BRCA1: variants seen among roughly 807,000 people sequenced by gnomAD.
The protein encoded by BRCA1 is breast cancer type 1 susceptibility protein.
A neutral mutation model predicts 173.7 loss-of-function variants in BRCA1; 140 were observed. The ratio of observed to expected loss-of-function variants is 0.81; its 90% CI spans 0.70 to 0.93. BRCA1 has a LOEUF of 0.93. Among genes scored for constraint, BRCA1 ranks in the 40% least tolerant of loss-of-function variants. The pLI, the probability that BRCA1 is intolerant of heterozygous loss-of-function variation, is 0.00. For missense variants in BRCA1, 1,983 were observed against 2,172.5 expected (o/e 0.91, Z 1.73); for synonymous variants, 662 against 756.0 (o/e 0.88, Z 2.04).
chr17:43,096,571 CAA>C (rs34226398), intron 8 of BRCA1, among the ~76,000 whole-genome samples: 60 of 89,506 alleles, frequency 6.7e-4, no homozygotes, highest in East Asian at 1.3e-3. Context: ...ACCCCGTCTC[CAA>C]AAAAAAAAAA....
chr17:43,131,887 G>T (rs1212965660), intron 1 of BRCA1, among the ~76,000 whole-genome samples: 2 of 151,950 alleles, frequency 1.3e-5, no homozygotes, highest in African/African-American at 4.8e-5. Flanking sequence ...GGGTTGAAGC[G>T]ATTCTTGTGC....
At chr17:43,149,333 C>T (rs1439423748) in intron 1 of BRCA1, among the ~76,000 whole-genome samples, 1 of 151,184 alleles carries the variant, frequency 6.6e-6, no homozygotes, top group African/African-American at 2.4e-5. Flanking sequence ...GCGGGTGGAC[C>T]TTGTGATCCG....
chr17:43,072,567 A>G (rs897099921), intron 14 of BRCA1, among the ~76,000 whole-genome samples: 5 of 138,704 alleles, frequency 3.6e-5, no homozygotes, highest in African/African-American at 1.3e-4. Context: ...CTTCCAGCTG[A>G]TTTTTTTTTT....
chr17:43,149,574 A>G (rs532842242), intron 1 of BRCA1, among the ~76,000 whole-genome samples: 1 of 152,226 alleles, frequency 6.6e-6, no homozygotes, highest in South Asian at 2.1e-4. Context: ...AGAGAGAGTA[A>G]GAGCACCTCA....
chr17:43,093,738 A>C lies in BRCA1; in HGVS notation c.1793T>G (p.Leu598Ter), dbSNP rs80357118. 2.5e-6 allele frequency: 4 copies of C among 1,614,012 alleles called. No homozygotes were observed. The South Asian group carries it at 3.3e-5, about 13-fold the overall frequency. Residue 598 changes from leucine to a stop codon, truncating the protein, a stop_gained, in exon 10 of 23, where the codon TTA becomes TGA. Transcript: ENST00000357654. LOFTEE classifies it high-confidence loss of function. Reference protein sequence around the residue: ...SSSISNMELELNIHNSKAPKK... With the variant: ...SSSISNMELE ...AGGTGCTTTTGAATTGTGGATATTT[A>C]ATTCGAGTTCCATATTGCTTATACT...
rs886041144 is a variant in BRCA1 at position 43,091,522 on chromosome 17, C to A, written c.4009G>T (p.Asp1337Tyr). The change falls in exon 10 of 23, where the codon GAC (aspartate) becomes TAC (tyrosine). Residue 1337 changes from aspartate (D) to tyrosine (Y), a missense_variant. Asp to Tyr is a radical substitution (Grantham distance 160). Transcript: ENST00000357654. ...TCATCATCTGAAACCAATTCCTTGT[C>A]ACTCAGACCAACTCCCTGGCTTTCA... ...QSESQGVGLS[D>Y]KELVSDDEER... The A allele has an allele frequency of 6.2e-7, 1 of 1,613,950 alleles. No individual in the cohort carries two copies. The highest frequency in any genetic ancestry group is 1.7e-5 in the Admixed American group (1 of 60,004).
intron 1 of BRCA1, among the ~76,000 whole-genome samples, chr17:43,153,160 T>G (rs186129402): frequency 6.6e-6 from 1 of 152,348 alleles, no homozygotes. Context: ...TAGAGTTTTG[T>G]GCATTTTGGA....
chr17:43,111,053 A>G (rs2055012165), intron 3 of BRCA1, among the ~76,000 whole-genome samples: 2 of 149,584 alleles, frequency 1.3e-5, no homozygotes, highest in Admixed American at 1.4e-4. Context: ...GTGAGCCGAG[A>G]TTGTACCACT....
At chr17:43,149,032 A>G (rs1292267007) in intron 1 of BRCA1, among the ~76,000 whole-genome samples, 1 of 152,086 alleles carries the variant, frequency 6.6e-6, no homozygotes, top group African/African-American at 2.4e-5. Flanking sequence ...TCAATCCCTT[A>G]CATATAATGG....
intron 2 of BRCA1, among the ~76,000 whole-genome samples, chr17:43,120,220 A>G (rs775274813): frequency 6.6e-6 from 1 of 152,364 alleles, no homozygotes; most frequent in Non-Finnish European, 1.5e-5. Flanking sequence ...AGAACTACCA[A>G]TTGTCAGAAA....
intron 6 of BRCA1, among the ~76,000 whole-genome samples, chr17:43,100,655 AACATATATATAT>A (rs2054394436): frequency 3.8e-5 from 1 of 26,422 alleles, no homozygotes; most frequent in Non-Finnish European, 5.6e-5. Context: ...ACATATATAT[AACATATATATAT>A]ATATATATAT....
chr17:43,135,359 G>T (rs570834601), intron 1 of BRCA1, among the ~76,000 whole-genome samples: 1 of 152,330 alleles, frequency 6.6e-6, no homozygotes, highest in East Asian at 1.9e-4. Flanking sequence ...CTGCCGTTTG[G>T]GATGGTTGAT....
chr17:43,097,326 G>T (rs1332875775), intron 7 of BRCA1, 37 bp from the exon 8 acceptor site: 10 of 1,540,524 alleles, frequency 6.5e-6, no homozygotes, highest in Middle Eastern at 1.7e-4. Context: ...ATCAATAAAA[G>T]TTTTCTTAAT....
intron 12 of BRCA1, among the ~76,000 whole-genome samples, chr17:43,082,144 T>C (rs2053026586): frequency 6.6e-6 from 1 of 152,228 alleles, no homozygotes; most frequent in Admixed American, 6.5e-5. Context: ...AAGAGCTATG[T>C]TGTATACCAT....
At chr17:43,119,206 G>A (rs1448067548) in intron 2 of BRCA1, 4 of 212,482 alleles carry the variant, frequency 1.9e-5, no homozygotes, top group Non-Finnish European at 3.8e-5. Context: ...GGTGGCTCAC[G>A]CTGTAATCCC....
chr17:43,086,735 T>C (rs1177171543), intron 11 of BRCA1, among the ~76,000 whole-genome samples: 6 of 152,172 alleles, frequency 3.9e-5, no homozygotes, highest in Non-Finnish European at 8.8e-5. Flanking sequence ...ATGGACAGAA[T>C]TAGATGATGG....
chr17:43,107,989 G>A (rs1050161645), intron 3 of BRCA1, among the ~76,000 whole-genome samples: 1 of 152,094 alleles, frequency 6.6e-6, no homozygotes, highest in Non-Finnish European at 1.5e-5. Context: ...ACTAGGTAGG[G>A]AGTAAATAGC....
intron 6 of BRCA1, among the ~76,000 whole-genome samples, chr17:43,101,866 ACTACATTTT>A (rs1567808562): frequency 2.0e-5 from 3 of 152,062 alleles, no homozygotes; most frequent in Non-Finnish European, 4.4e-5. Flanking sequence ...AGAGCAAATC[ACTACATTTT>A]CTTTAACAAT....
intron 18 of BRCA1, among the ~76,000 whole-genome samples, chr17:43,061,079 T>C (rs1368276490): frequency 3.3e-5 from 5 of 152,106 alleles, no homozygotes; most frequent in African/African-American, 9.7e-5. Context: ...TGAGCCAAGA[T>C]TGTGCCACTG....
Sources: allele counts gnomAD v4.1 joint callset (sites outside exome capture counted in the v4.1 genomes callset), GRCh38; gene constraint gnomAD v4.1.1; transcripts MANE v1.5; gene names NCBI Gene and HGNC (gene_info 2026-07-23, HGNC 2026-07-21).